Variants in MTDH observed in about 807,000 individuals in gnomAD.
MTDH encodes the protein metadherin.
MTDH carries 34 observed loss-of-function variants against 72.7 expected under a neutral mutation model. The ratio of observed to expected loss-of-function variants is 0.47; its 90% confidence interval spans 0.36 to 0.62. The LOEUF (loss-of-function observed/expected upper bound fraction) is 0.62. Among genes scored for constraint, MTDH ranks in the 20% least tolerant of loss-of-function variants. The pLI is 0.00. For synonymous variants in MTDH, 266 were observed against 268.9 expected (o/e 0.99, Z 0.10); for missense variants, 677 against 699.4 (o/e 0.97, Z 0.36).
rs537052267 is a variant in MTDH at position 97,708,843 on chromosome 8, G to T, written c.1272+2093G>T. On this transcript the variant is annotated intron_variant, in intron 8 of 11. Coordinates refer to ENST00000336273, the MANE Select transcript of MTDH (RefSeq NM_178812.4). Reference sequence around the variant, plus strand: ...TCAAACTCCTGACCTCAAGTGATCTGCCCACCTTGGCCCCCCAGAGTGCTG... The same window carrying T: ...TCAAACTCCTGACCTCAAGTGATCTTCCCACCTTGGCCCCCCAGAGTGCTG... 3.6e-4 allele frequency among the ~76,000 whole-genome samples: 54 copies of T among 150,912 alleles called. No homozygotes were observed. The South Asian group carries it at 7.6e-3, about 21-fold the overall frequency.
intron 1 of MTDH, among the ~76,000 whole-genome samples, chr8:97,645,769 A>G (rs748026348): frequency 6.6e-5 from 10 of 152,156 alleles, no homozygotes; most frequent in Non-Finnish European, 1.0e-4. Context: ...TGGTTCTCCC[A>G]TTATATCTTT....
At chr8:97,690,583 A>G (rs891221231) in intron 5 of MTDH, among the ~76,000 whole-genome samples, 2 of 152,178 alleles carry the variant, frequency 1.3e-5, no homozygotes, top group African/African-American at 4.8e-5. Context: ...TTTTTCAGTT[A>G]ATTTTAATGT....
chr8:97,675,230 A>G lies in MTDH; in HGVS notation c.484-11438A>G, dbSNP rs193043642. On this transcript the variant is annotated intron_variant, in intron 2 of 11. Transcript: ENST00000336273. ...TCAGTTCACCAAATTTTTAAGGACCAGTACATCCAGAATAGAGAATTAATA... is the reference window on the plus strand; with the variant it reads ...TCAGTTCACCAAATTTTTAAGGACCGGTACATCCAGAATAGAGAATTAATA... 5.6e-3 allele frequency among the ~76,000 whole-genome samples: 858 copies of G among 152,358 alleles called. 6 individuals carry two copies. Among genetic ancestry groups the G allele is most frequent in the Middle Eastern group, 0.017 (5 of 294 alleles).
intron 2 of MTDH, among the ~76,000 whole-genome samples, chr8:97,662,387 G>T (rs1812207030): frequency 6.7e-6 from 1 of 149,648 alleles, no homozygotes; most frequent in Non-Finnish European, 1.5e-5. Context: ...CCCCTTTTCA[G>T]GAAAAAAAAA....
At chr8:97,645,628 G>A (rs1040335726) in intron 1 of MTDH, among the ~76,000 whole-genome samples, 7 of 152,168 alleles carry the variant, frequency 4.6e-5, no homozygotes, top group African/African-American at 1.4e-4. Context: ...GGAGATGACA[G>A]GGCAGAATGG....
At position 97,729,425 on chromosome 8, in the gene MTDH, C is replaced by T. The variant is rs1815476357; in HGVS notation, c.*4755C>T. 6.6e-6 allele frequency among the ~76,000 whole-genome samples: 1 copy of T among 152,114 alleles called. No homozygotes were observed. Among genetic ancestry groups the T allele is most frequent in the East Asian group, 1.9e-4 (1 of 5,194 alleles). On this transcript the variant is annotated 3_prime_UTR_variant, in exon 12 of 12. Transcript: ENST00000336273. Reference sequence around the variant, plus strand: ...ATGAAGCTGGATGGGACGTAATATTCTATCTGGGTTGTCATGGGCCAAATT... The same window carrying T: ...ATGAAGCTGGATGGGACGTAATATTTTATCTGGGTTGTCATGGGCCAAATT...
At chr8:97,665,956 G>A (rs947631082) in intron 2 of MTDH, among the ~76,000 whole-genome samples, 8 of 151,906 alleles carry the variant, frequency 5.3e-5, no homozygotes, top group Non-Finnish European at 1.0e-4. Context: ...GTGAAACCCC[G>A]TCTCTACTAA....
chr8:97,644,289 C>T lies in MTDH; in HGVS notation c.-218C>T. 3.5e-6 allele frequency: 2 copies of T among 576,826 alleles called. No individual in the cohort carries two copies. The highest frequency in any genetic ancestry group is 5.7e-6 in the Non-Finnish European group (2 of 347,920). The allele number at this position is 576,826 out of a possible 1,614,324, so 35.7% of individuals were successfully genotyped here. ...ACACTCCCTCCCGCCTCCCGGGTCT[C>T]CTGGCGGCGGCGGAGTGAGGCTGAC... is the stretch of plus-strand genomic sequence containing the variant. On this transcript the variant is annotated 5_prime_UTR_variant, in exon 1 of 12. Coordinates refer to ENST00000336273, the MANE Select transcript of MTDH (RefSeq NM_178812.4).
chr8:97,722,161 G>A (rs1815156075), intron 10 of MTDH, among the ~76,000 whole-genome samples: 1 of 152,182 alleles, frequency 6.6e-6, no homozygotes, highest in Non-Finnish European at 1.5e-5. Context: ...CTACTCAGGA[G>A]GTTGAAGTGG....
In MTDH at chr8:97,699,730, T is replaced by C. The variant is rs1195898496; in HGVS notation, c.1049-24T>C. 8 of 1,440,166 alleles carry C rather than the reference T, an allele frequency of 5.6e-6. No homozygotes were observed. In the African/African-American group the frequency reaches 1.1e-4, roughly 20 times the overall value. 89.2% of individuals were successfully genotyped at this position (1,440,166 alleles called of 1,614,324 possible). A position where few individuals can be genotyped will look rare whatever the true frequency, so the allele number is the denominator to read the frequency against. ...CATTAGGAAATTCCATTTTTAATTT[T>C]ATTGCATTCGTTTTTCATTTAAGGG... On this transcript the variant is annotated intron_variant, in intron 6 of 11. Coordinates refer to ENST00000336273, the MANE Select transcript of MTDH (RefSeq NM_178812.4).
At chr8:97,713,522 G>A (rs1054317285) in intron 8 of MTDH, 140 bp from the exon 9 acceptor site, 26 of 526,258 alleles carry the variant, frequency 4.9e-5, no homozygotes, top group African/African-American at 9.5e-5. Context: ...TTGATCCATT[G>A]TATTACTTAT....
chr8:97,660,835 C>A (rs1812144705), intron 1 of MTDH, among the ~76,000 whole-genome samples: 1 of 151,562 alleles, frequency 6.6e-6, no homozygotes, highest in South Asian at 2.1e-4. Context: ...GGGACTGATA[C>A]CTTGGTGAGA....
intron 2 of MTDH, among the ~76,000 whole-genome samples, chr8:97,667,316 T>A (rs1812433187): frequency 6.6e-6 from 1 of 152,246 alleles, no homozygotes; most frequent in African/African-American, 2.4e-5. Flanking sequence ...AAAAAAATGC[T>A]AGTTTCACTT....
chr8:97,704,876 AAG>A (rs1814284083), intron 7 of MTDH, among the ~76,000 whole-genome samples: 1 of 152,262 alleles, frequency 6.6e-6, no homozygotes, highest in Non-Finnish European at 1.5e-5. Context: ...AGTACTAAAT[AAG>A]AGTAATGCAA....
chr8:97,704,905 A>G (rs1347936954), intron 7 of MTDH, among the ~76,000 whole-genome samples: 2 of 152,214 alleles, frequency 1.3e-5, no homozygotes, highest in Admixed American at 1.3e-4. Context: ...TTGTCCTTCT[A>G]GATATAAAAA....
At chr8:97,694,794 G>A (rs935211677) in intron 6 of MTDH, among the ~76,000 whole-genome samples, 4 of 151,910 alleles carry the variant, frequency 2.6e-5, no homozygotes, top group Non-Finnish European at 4.4e-5. Flanking sequence ...ATGGTGGCAC[G>A]TGCCTGTAAT....
At chr8:97,660,565 A>G (rs1022102975) in intron 1 of MTDH, among the ~76,000 whole-genome samples, 2 of 152,230 alleles carry the variant, frequency 1.3e-5, no homozygotes, top group Non-Finnish European at 2.9e-5. Context: ...GTTGATGGCA[A>G]TCAATAAAAT....
At chr8:97,678,625 G>T in intron 2 of MTDH, among the ~76,000 whole-genome samples, 1 of 82,778 alleles carries the variant, frequency 1.2e-5, no homozygotes. Flanking sequence ...TTTTGAGAGA[G>T]AGACAGAATT....
At chr8:97,653,610 A>G (rs1248121418) in intron 1 of MTDH, among the ~76,000 whole-genome samples, 1 of 152,152 alleles carries the variant, frequency 6.6e-6, no homozygotes, top group African/African-American at 2.4e-5. Context: ...AGATACCAAG[A>G]ACAACAATAA....
Sources: gnomAD v4.1 joint callset for allele counts (sites outside exome capture counted in the v4.1 genomes callset) on GRCh38, gnomAD v4.1.1 for gene constraint, MANE v1.5 for transcripts, NCBI Gene and HGNC (gene_info 2026-07-23, HGNC 2026-07-21) for gene names.